LRFN5: variants seen among roughly 807,000 people sequenced by gnomAD.
The protein encoded by LRFN5 is leucine rich repeat and fibronectin type III domain containing 5, also known as leucine-rich repeat and fibronectin type-III domain-containing protein 5.
A neutral mutation model predicts 45.6 loss-of-function variants in LRFN5; 24 were observed. The observed-to-expected ratio is 0.53, with a 90% CI of 0.38 to 0.74. The LOEUF is 0.74. Ranked by LOEUF, LRFN5 falls within the 30% of genes least tolerant of loss-of-function variation. The pLI, the probability that LRFN5 is intolerant of heterozygous loss-of-function variation, is 0.00. For missense variants in LRFN5, 776 were observed against 861.5 expected (o/e 0.90, Z 1.24); for synonymous variants, 340 against 313.8 (o/e 1.08, Z -0.88).
chr14:41,765,187 A>G (rs1412313001), intron 1 of LRFN5, among the ~76,000 whole-genome samples: 4 of 148,238 alleles, frequency 2.7e-5, no homozygotes, highest in Non-Finnish European at 1.5e-5. Context: ...TAAAAGTACA[A>G]AAAAATTAGC....
chr14:41,868,393 C>T (rs1209433719), intron 2 of LRFN5, among the ~76,000 whole-genome samples: 3 of 152,044 alleles, frequency 2.0e-5, no homozygotes, highest in African/African-American at 7.2e-5. Context: ...AGCTTAGCAC[C>T]AACACAAAGA....
chr14:41,752,346 T>C (rs1385467521), intron 1 of LRFN5, among the ~76,000 whole-genome samples: 1 of 152,184 alleles, frequency 6.6e-6, no homozygotes, highest in Non-Finnish European at 1.5e-5. Flanking sequence ...CCACACTGAC[T>C]TCCACAATGG....
chr14:41,762,135 C>G (rs562380548), intron 1 of LRFN5, among the ~76,000 whole-genome samples: 15 of 141,398 alleles, frequency 1.1e-4, no homozygotes, highest in African/African-American at 3.9e-4. Context: ...TCTTCACACC[C>G]TGAAAAAAAA....
intron 2 of LRFN5, among the ~76,000 whole-genome samples, chr14:41,853,474 T>C (rs1397488268): frequency 6.6e-6 from 1 of 152,044 alleles, no homozygotes; most frequent in Non-Finnish European, 1.5e-5. Flanking sequence ...TATTGCAGCA[T>C]GGGAAAAGTA....
At chr14:41,807,293 A>T (rs1192618937) in intron 2 of LRFN5, among the ~76,000 whole-genome samples, 3 of 152,104 alleles carry the variant, frequency 2.0e-5, no homozygotes, top group African/African-American at 7.2e-5. Context: ...AGCTCAACAT[A>T]ATATGATCGT....
At chr14:41,708,007 T>C (rs1335599197) in intron 1 of LRFN5, among the ~76,000 whole-genome samples, 3 of 152,086 alleles carry the variant, frequency 2.0e-5, no homozygotes, top group African/African-American at 7.2e-5. Context: ...ATAAATAAGA[T>C]GACATATATA....
intron 1 of LRFN5, among the ~76,000 whole-genome samples, chr14:41,727,883 G>C (rs568032623): frequency 6.6e-6 from 1 of 152,206 alleles, no homozygotes; most frequent in Non-Finnish European, 1.5e-5. Flanking sequence ...TGAGTATTGA[G>C]TAGTACATGA....
chr14:41,775,406 C>A (rs983631587), intron 2 of LRFN5, among the ~76,000 whole-genome samples: 1 of 152,036 alleles, frequency 6.6e-6, no homozygotes, highest in African/African-American at 2.4e-5. Flanking sequence ...TTTTAAGCAA[C>A]TATTTTTTAT....
intron 2 of LRFN5, among the ~76,000 whole-genome samples, chr14:41,793,637 GCCACAGTTATCAACTGGGACTC>G (rs1158227377): frequency 4.0e-5 from 6 of 151,770 alleles, no homozygotes; most frequent in Non-Finnish European, 8.8e-5. Flanking sequence ...GCATGGTGGG[GCCACAGTTATCAACTGGGACTC>G]CCCCAAGCAT....
intron 1 of LRFN5, among the ~76,000 whole-genome samples, chr14:41,633,041 C>T (rs182814587): frequency 1.3e-5 from 2 of 152,062 alleles, no homozygotes; most frequent in African/African-American, 2.4e-5. Context: ...AATTTAGACC[C>T]TATGAACCTC....
chr14:41,812,318 G>A (rs1483552115), intron 2 of LRFN5, among the ~76,000 whole-genome samples: 1 of 151,594 alleles, frequency 6.6e-6, no homozygotes, highest in African/African-American at 2.4e-5. Flanking sequence ...TTTTTAACTA[G>A]GAATTTCTAT....
chr14:41,866,510 G>C (rs574612879), intron 2 of LRFN5, among the ~76,000 whole-genome samples: 2 of 152,026 alleles, frequency 1.3e-5, no homozygotes, highest in Non-Finnish European at 2.9e-5. Flanking sequence ...TGGTATATCC[G>C]AACCAAGGAG....
At chr14:41,757,693 C>T (rs1486028747) in intron 1 of LRFN5, among the ~76,000 whole-genome samples, 1 of 152,308 alleles carries the variant, frequency 6.6e-6, no homozygotes, top group South Asian at 2.1e-4. Context: ...TTCCCTGACC[C>T]CTTGCGCTTG....
chr14:41,627,716 G>A (rs1888382397), intron 1 of LRFN5, among the ~76,000 whole-genome samples: 1 of 152,100 alleles, frequency 6.6e-6, no homozygotes, highest in Non-Finnish European at 1.5e-5. Context: ...ATTTTTCTAT[G>A]CTGGTATAAT....
In LRFN5 at chr14:41,706,103, T is replaced by C. The variant is rs187023777; in HGVS notation, c.-196-60751T>C. 6.7e-4 allele frequency among the ~76,000 whole-genome samples: 102 copies of C among 152,256 alleles called. 3 individuals are homozygous for C. In the East Asian group the frequency reaches 0.014, roughly 20 times the overall value. ...CTACAACAAAGTTCCGGAACTTTTT[T>C]TTTTGTTTTTTTTTGACACAGAGTT... On this transcript the variant is annotated intron_variant, in intron 1 of 5. Coordinates refer to ENST00000298119, the MANE Select transcript of LRFN5 (RefSeq NM_152447.5).
intron 2 of LRFN5, among the ~76,000 whole-genome samples, chr14:41,774,133 A>G (rs1886192725): frequency 6.6e-6 from 1 of 152,188 alleles, no homozygotes; most frequent in Non-Finnish European, 1.5e-5. Flanking sequence ...CTTGGAGAGT[A>G]CTCTTGGCAA....
intron 2 of LRFN5, among the ~76,000 whole-genome samples, chr14:41,815,928 T>A (rs1887900886): frequency 6.6e-6 from 1 of 152,130 alleles, no homozygotes; most frequent in African/African-American, 2.4e-5. Flanking sequence ...ATCTATCATA[T>A]TTGTTAGTGT....
intron 1 of LRFN5, among the ~76,000 whole-genome samples, chr14:41,746,540 G>C (rs1453326359): frequency 6.6e-6 from 1 of 151,968 alleles, no homozygotes; most frequent in Non-Finnish European, 1.5e-5. Context: ...ATATCTCATT[G>C]TAGATTTTAT....
chr14:41,835,543 T>C (rs1888631133), intron 2 of LRFN5, among the ~76,000 whole-genome samples: 2 of 152,090 alleles, frequency 1.3e-5, no homozygotes, highest in Non-Finnish European at 2.9e-5. Context: ...CTGGATAATA[T>C]GGTGAAACTC....
Sources: gnomAD v4.1 joint callset for allele counts (sites outside exome capture counted in the v4.1 genomes callset) on GRCh38, gnomAD v4.1.1 for gene constraint, MANE v1.5 for transcripts, NCBI Gene and HGNC (gene_info 2026-07-23, HGNC 2026-07-21) for gene names.